RMND1: variants seen among roughly 807,000 people sequenced by gnomAD.
RMND1 encodes required for meiotic nuclear division 1 homolog.
In RMND1, 41 loss-of-function variants were observed where a neutral mutation model predicts 54.0. The ratio of observed to expected loss-of-function variants is 0.76; its 90% CI spans 0.59 to 0.98. The LOEUF (loss-of-function observed/expected upper bound fraction) is 0.98. Ranked by LOEUF, RMND1 falls within the 50% of genes least tolerant of loss-of-function variation. The pLI is 0.00. For synonymous variants in RMND1, 183 were observed against 181.7 expected, an observed-to-expected ratio of 1.01 and a Z score of -0.06; for missense variants, 457 against 532.0, an observed-to-expected ratio of 0.86 and a Z score of 1.39.
chr6:151,407,301 C>A (rs938924992), intron 10 of RMND1, among the ~76,000 whole-genome samples: 6 of 151,886 alleles, frequency 4.0e-5, no homozygotes, highest in Non-Finnish European at 7.4e-5. Context: ...TCTTCCTTTC[C>A]CCTCCCTGTT....
At chr6:151,412,086 G>GC (rs1412410341) in intron 10 of RMND1, among the ~76,000 whole-genome samples, 4 of 151,850 alleles carry the variant, frequency 2.6e-5, no homozygotes, top group East Asian at 1.9e-4. Flanking sequence ...TGCAACCTCT[G>GC]CCCCCCTTAG....
chr6:151,448,433 A>G (rs1296433299), intron 1 of RMND1, among the ~76,000 whole-genome samples: 2 of 152,068 alleles, frequency 1.3e-5, no homozygotes, highest in Admixed American at 6.6e-5. Context: ...CCTCTCCCTT[A>G]TACCCCTAGA....
intron 10 of RMND1, among the ~76,000 whole-genome samples, chr6:151,407,778 G>A (rs1582938585): frequency 6.6e-6 from 1 of 152,034 alleles, no homozygotes; most frequent in African/African-American, 2.4e-5. Flanking sequence ...TGTTGTGGCG[G>A]CCCCTGTTGT....
At chr6:151,444,419 A>T (rs2114969817) in intron 2 of RMND1, 1 of 152,296 alleles carries the variant, frequency 6.6e-6, no homozygotes. Flanking sequence ...CCATTCATTC[A>T]TTGCTAGATT....
rs770453602 is a variant in RMND1, at chr6:151,436,450, A to G, written c.609T>C (p.Pro203=). 6.2e-7 allele frequency: 1 copy of G among 1,613,856 alleles called. No homozygotes were observed. Among genetic ancestry groups the G allele is most frequent in the Admixed American group, 1.7e-5 (1 of 60,020 alleles). The change falls in exon 3 of 12, where the codon CCT becomes CCC. Residue 203 remains proline, a synonymous_variant. Coordinates refer to ENST00000444024, the MANE Select transcript of RMND1 (RefSeq NM_017909.4). Reference sequence around the variant, plus strand: ...CCCAGGTTCAAGAAGAAGTACCTCTAGGCAAGCTTGTTACTTCAACATATC... The same window carrying G: ...CCCAGGTTCAAGAAGAAGTACCTCTGGGCAAGCTTGTTACTTCAACATATC... ...SHGYVEVTSL[P]RDAANILVMG...
chr6:151,444,527 G>A (rs1776941445), intron 2 of RMND1: 1 of 152,078 alleles, frequency 6.6e-6, no homozygotes, highest in Admixed American at 6.5e-5. Flanking sequence ...CAGGCTCAGG[G>A]GCTACTTTTC....
intron 10 of RMND1, 69 bp downstream of exon 10, chr6:151,417,210 C>T: frequency 6.9e-7 from 1 of 1,457,090 alleles, no homozygotes; most frequent in South Asian, 1.3e-5. Context: ...TCTCTGCAAG[C>T]AGTTAAACAT....
chr6:151,435,871 G>A (rs1262564143), intron 3 of RMND1, among the ~76,000 whole-genome samples: 3 of 151,090 alleles, frequency 2.0e-5, no homozygotes, highest in Non-Finnish European at 4.4e-5. Context: ...TTGGGAGGCC[G>A]AGGCGGGAGG....
At chr6:151,441,384 T>C (rs966957494) in intron 2 of RMND1, among the ~76,000 whole-genome samples, 1 of 152,116 alleles carries the variant, frequency 6.6e-6, no homozygotes, top group Non-Finnish European at 1.5e-5. Flanking sequence ...TATTTGCTCT[T>C]TGCCTTCAGT....
intron 3 of RMND1, among the ~76,000 whole-genome samples, chr6:151,435,134 C>T (rs760689715): frequency 1.1e-4 from 17 of 151,556 alleles, no homozygotes; most frequent in South Asian, 1.0e-3. Flanking sequence ...AGGTATGAGG[C>T]ATCACGCCCG....
rs1390667976 is a variant in RMND1, at chr6:151,430,575, T to C, written c.690-398A>G. Reference sequence around the variant, plus strand: ...ACTATGTGCAAGGAATAAAGGGCTATGCCTGGATTTTTGTGGAATAAAGAG... The same window carrying C: ...ACTATGTGCAAGGAATAAAGGGCTACGCCTGGATTTTTGTGGAATAAAGAG... On this transcript the variant is annotated intron_variant, in intron 4 of 11. Coordinates refer to ENST00000444024, the MANE Select transcript of RMND1 (RefSeq NM_017909.4). Among the ~76,000 whole-genome samples, 5 of 152,198 alleles carry C rather than the reference T, an allele frequency of 3.3e-5. No homozygotes were observed. The South Asian group carries it at 6.2e-4, about 19-fold the overall frequency.
At chr6:151,414,903 G>A (rs892747728) in intron 10 of RMND1, among the ~76,000 whole-genome samples, 1 of 152,122 alleles carries the variant, frequency 6.6e-6, no homozygotes, top group Non-Finnish European at 1.5e-5. Flanking sequence ...GGTGCTGAAA[G>A]AAAGAAAACT....
Position 151,427,571 on chromosome 6 carries a change from C to G in RMND1, c.741G>C (p.Val247=). The G allele has an allele frequency of 6.2e-7, 1 of 1,602,816 alleles. No homozygotes were observed. Among genetic ancestry groups the G allele is most frequent in the Non-Finnish European group, 8.5e-7 (1 of 1,170,296 alleles). ...TTTCATGTTTTTCTAGAACTTTCAT[C>G]ACATGCTTCATCTAGAAGAAAAGGA... ...WNVKDKTMKH[V]MKVLEKHEIQ... is the part of the protein sequence containing the mutation. Residue 247 remains valine (V), a synonymous_variant, in exon 6 of 12, where the codon GTG becomes GTC. Coordinates refer to ENST00000444024, the MANE Select transcript of RMND1 (RefSeq NM_017909.4).
chr6:151,405,798 TGTTA>T lies in RMND1; in HGVS notation c.1235_1238del (p.Leu412GlnfsTer3), dbSNP rs769890347. On this transcript the variant is annotated frameshift_variant, in exon 11 of 12. Transcript: ENST00000444024. LOFTEE classifies it high-confidence loss of function. ...CATTCAGGTGATTCCGCATTAGATC[TGTTA>T]GTTCCATGCAGTGCTGAAGTTTTTC... 11 of 1,612,080 alleles carry T rather than the reference TGTTA, an allele frequency of 6.8e-6. No individual in the cohort carries two copies. The highest frequency in any genetic ancestry group is 4.4e-5 in the South Asian group (4 of 91,040).
chr6:151,419,157 T>G (rs1178288572), intron 9 of RMND1, among the ~76,000 whole-genome samples: 1 of 151,952 alleles, frequency 6.6e-6, no homozygotes, highest in African/African-American at 2.4e-5. Flanking sequence ...CTTCGCCTCC[T>G]GGGTTCAACC....
intron 8 of RMND1, among the ~76,000 whole-genome samples, chr6:151,422,241 GTTA>G (rs1327336510): frequency 6.6e-6 from 1 of 151,722 alleles, no homozygotes; most frequent in Middle Eastern, 3.4e-3. Context: ...GTTTTTTCTT[GTTA>G]TTATTTCCTA....
intron 4 of RMND1, 62 bp downstream of exon 4, chr6:151,433,093 A>T: frequency 9.9e-7 from 1 of 1,013,458 alleles, no homozygotes; most frequent in Non-Finnish European, 1.5e-6. Flanking sequence ...CTGCACCTTT[A>T]AAGACCACAA....
At position 151,435,588 on chromosome 6, in the gene RMND1, T is replaced by C. The variant is rs1289716520; in HGVS notation, c.613+858A>G. 3.3e-5 allele frequency among the ~76,000 whole-genome samples: 5 copies of C among 151,772 alleles called. No homozygotes were observed. The East Asian group carries it at 9.9e-4, about 30-fold the overall frequency. On this transcript the variant is annotated intron_variant, in intron 3 of 11. Coordinates refer to ENST00000444024, the MANE Select transcript of RMND1 (RefSeq NM_017909.4). ...ACTAATCGTTTTATTATTATTATTA[T>C]TTGTATTTTTAGTAGAGACAGGGGT... is the stretch of plus-strand genomic sequence containing the variant.
intron 10 of RMND1, among the ~76,000 whole-genome samples, chr6:151,410,179 C>T (rs988401788): frequency 3.8e-4 from 58 of 152,058 alleles, no homozygotes; most frequent in African/African-American, 1.3e-3. Context: ...CTCAGCCTCC[C>T]GAGTAGCTGG....
Sources: allele counts gnomAD v4.1 joint callset (sites outside exome capture counted in the v4.1 genomes callset), GRCh38; gene constraint gnomAD v4.1.1; transcripts MANE v1.5; gene names NCBI Gene and HGNC (gene_info 2026-07-23, HGNC 2026-07-21).